Variants in CNTN6 observed in about 807,000 individuals in gnomAD.
The protein encoded by CNTN6 is contactin 6, also known as contactin-6.
In CNTN6, 137 loss-of-function variants were observed where a neutral mutation model predicts 122.8. That is an observed-to-expected ratio of 1.12 (90% CI 0.97 to 1.29). The LOEUF is 1.29. Ranked by LOEUF, CNTN6 falls within the 50% of genes most tolerant of loss-of-function variation. The pLI is 0.00. For synonymous variants in CNTN6, 570 were observed against 426.0 expected (o/e 1.34, Z -4.16); for missense variants, 1,634 against 1,223.4 (o/e 1.34, Z -5.01).
At chr3:1,287,602 A>C (rs1160866522) in intron 5 of CNTN6, among the ~76,000 whole-genome samples, 2 of 152,176 alleles carry the variant, frequency 1.3e-5, no homozygotes, top group African/African-American at 4.8e-5. Flanking sequence ...GGCTTTGCAA[A>C]GTACAAGTCA....
chr3:1,269,051 T>G lies in CNTN6; in HGVS notation c.359-9362T>G, dbSNP rs1575492273. Among the ~76,000 whole-genome samples the G allele has an allele frequency of 2.0e-5, 3 of 152,186 alleles. No individual in the cohort carries two copies. The East Asian group carries it at 5.8e-4, about 29-fold the overall frequency. ...CTAATTTTGTTGATGTGCCCTCGTATCATCAGTAATGTGATTAAAGTCCCT... is the reference window on the plus strand; with the variant it reads ...CTAATTTTGTTGATGTGCCCTCGTAGCATCAGTAATGTGATTAAAGTCCCT... On this transcript the variant is annotated intron_variant, in intron 4 of 22. Transcript: ENST00000446702.
intron 4 of CNTN6, among the ~76,000 whole-genome samples, chr3:1,256,424 G>A (rs963325623): frequency 2.0e-5 from 3 of 152,082 alleles, no homozygotes; most frequent in South Asian, 2.1e-4. Flanking sequence ...ATCAAATATC[G>A]CCAAATGGAT....
chr3:1,357,783 T>C (rs1706812152), intron 12 of CNTN6, among the ~76,000 whole-genome samples: 1 of 151,952 alleles, frequency 6.6e-6, no homozygotes, highest in African/African-American at 2.4e-5. Context: ...TACATTTTTA[T>C]ATGTAAAAAT....
chr3:1,300,543 A>G (rs1697106765), intron 7 of CNTN6, among the ~76,000 whole-genome samples: 1 of 129,946 alleles, frequency 7.7e-6, no homozygotes, highest in Admixed American at 9.3e-5. Context: ...AAGAGAGAGA[A>G]AGAAAGAGAA....
intron 2 of CNTN6, among the ~76,000 whole-genome samples, chr3:1,205,788 G>A (rs993835181): frequency 9.9e-5 from 15 of 152,126 alleles, no homozygotes; most frequent in African/African-American, 2.9e-4. Context: ...TAGGTGATAA[G>A]GAATGCTAAA....
At chr3:1,168,683 T>C (rs73105160) in intron 2 of CNTN6, among the ~76,000 whole-genome samples, 2,661 of 152,138 alleles carry the variant, frequency 0.017, 71 homozygotes, top group African/African-American at 0.059. Context: ...CTGCCCAATG[T>C]CACTCAGGTA....
intron 2 of CNTN6, among the ~76,000 whole-genome samples, chr3:1,179,636 C>T (rs2314148): frequency 0.58 from 88,119 of 151,886 alleles, 26,232 homozygotes; most frequent in East Asian, 0.7. Context: ...CAGTTTAAAG[C>T]TTTTCTCCCA....
intron 12 of CNTN6, among the ~76,000 whole-genome samples, chr3:1,364,127 A>G (rs1707872001): frequency 6.6e-6 from 1 of 151,974 alleles, no homozygotes; most frequent in South Asian, 2.1e-4. Context: ...GAAGTAATAA[A>G]GAGCAACGGA....
At chr3:1,133,416 A>G (rs188351753) in intron 1 of CNTN6, among the ~76,000 whole-genome samples, 240 of 152,316 alleles carry the variant, frequency 1.6e-3, no homozygotes, top group African/African-American at 5.3e-3. Context: ...AGCAGGTTAT[A>G]TGAGTAAACT....
At chr3:1,279,949 GATAAA>G (rs1310594297) in intron 5 of CNTN6, among the ~76,000 whole-genome samples, 1 of 152,174 alleles carries the variant, frequency 6.6e-6, no homozygotes, top group Non-Finnish European at 1.5e-5. Flanking sequence ...GCTATATTGA[GATAAA>G]ATAATATTGT....
chr3:1,275,119 CATT>C (rs1482511279), intron 4 of CNTN6, among the ~76,000 whole-genome samples: 1 of 152,176 alleles, frequency 6.6e-6, no homozygotes, highest in African/African-American at 2.4e-5. Context: ...TGTGGGTTCT[CATT>C]ATCACCCTTC....
chr3:1,196,006 T>A (rs933614761), intron 2 of CNTN6, among the ~76,000 whole-genome samples: 1 of 152,268 alleles, frequency 6.6e-6, no homozygotes, highest in East Asian at 1.9e-4. Context: ...GTCTTTGTCA[T>A]AAAGCAAAAA....
At chr3:1,310,985 C>T (rs1313662393) in intron 7 of CNTN6, among the ~76,000 whole-genome samples, 2 of 151,784 alleles carry the variant, frequency 1.3e-5, no homozygotes, top group South Asian at 2.1e-4. Context: ...AGGACAAAAA[C>T]GAGCAGGAGA....
chr3:1,398,667 T>C (rs4089088), intron 20 of CNTN6, among the ~76,000 whole-genome samples: 121,579 of 152,014 alleles, frequency 0.8, 49,545 homozygotes, highest in East Asian at 1. Flanking sequence ...AAATGAGGAA[T>C]ATTTCATATT....
At chr3:1,122,909 G>A (rs1328929295) in intron 1 of CNTN6, among the ~76,000 whole-genome samples, 5 of 151,828 alleles carry the variant, frequency 3.3e-5, no homozygotes, top group Non-Finnish European at 7.4e-5. Context: ...TGTGTGTACA[G>A]GTACTTGTTT....
intron 4 of CNTN6, among the ~76,000 whole-genome samples, chr3:1,263,539 A>C (rs577475001): frequency 6.6e-6 from 1 of 152,108 alleles, no homozygotes; most frequent in Non-Finnish European, 1.5e-5. Context: ...TTCCAGGTCG[A>C]TCCTAGCCTC....
chr3:1,262,910 TATA>T (rs1439076695), intron 4 of CNTN6, among the ~76,000 whole-genome samples: 3 of 151,940 alleles, frequency 2.0e-5, no homozygotes, highest in Non-Finnish European at 4.4e-5. Context: ...AGATAATTGG[TATA>T]ATAAAAAGAA....
At chr3:1,299,633 G>C (rs899620603) in intron 7 of CNTN6, among the ~76,000 whole-genome samples, 11 of 152,148 alleles carry the variant, frequency 7.2e-5, no homozygotes, top group African/African-American at 2.7e-4. Flanking sequence ...GAAGTAACCT[G>C]TTCAATCTTA....
chr3:1,352,181 A>G, intron 11 of CNTN6, 143 bp from the exon 12 acceptor site: 1 of 610,240 alleles, frequency 1.6e-6, no homozygotes, highest in Non-Finnish European at 2.6e-6. Flanking sequence ...GCTCACAATG[A>G]AGAACAGAAT....
Sources: allele counts gnomAD v4.1 joint callset (sites outside exome capture counted in the v4.1 genomes callset), GRCh38; gene constraint gnomAD v4.1.1; transcripts MANE v1.5; gene names NCBI Gene and HGNC (gene_info 2026-07-23, HGNC 2026-07-21).